Variants in TPM1 observed in about 807,000 individuals in gnomAD.
TPM1 encodes tropomyosin 1, also known as tropomyosin alpha-1 chain.
A neutral mutation model predicts 42.9 loss-of-function variants in TPM1; 24 were observed. The observed-to-expected ratio is 0.56, with a 90% CI of 0.41 to 0.79. The LOEUF (loss-of-function observed/expected upper bound fraction) is 0.79. Among genes scored for constraint, TPM1 ranks in the 30% least tolerant of loss-of-function variants. TPM1 has a pLI of 0.00. For synonymous variants in TPM1, 136 were observed against 130.1 expected (o/e 1.05, Z -0.31); for missense variants, 158 against 351.8 (o/e 0.45, Z 4.41).
chr15:63,056,939 C>T (rs1315889620), intron 2 of TPM1, 46 bp from the exon 3 acceptor site: 1 of 1,613,538 alleles, frequency 6.2e-7, no homozygotes, highest in Admixed American at 1.7e-5. Context: ...AAGCTACCAC[C>T]CTCACTTTCT....
chr15:63,061,413 C>A, intron 5 of TPM1: 1 of 871,270 alleles, frequency 1.1e-6, no homozygotes, highest in Non-Finnish European at 1.9e-6. Flanking sequence ...AAGTGCTTTC[C>A]CTTGGTCCTT....
intron 9 of TPM1, chr15:63,065,443 C>T: frequency 1.0e-6 from 1 of 985,330 alleles, no homozygotes; most frequent in African/African-American, 1.7e-5. Flanking sequence ...AGAATCCCCA[C>T]AGTCAACAAA....
chr15:63,065,718 A>T, intron 9 of TPM1, 178 bp from the exon 10 acceptor site: 6 of 937,258 alleles, frequency 6.4e-6, no homozygotes, highest in Non-Finnish European at 7.6e-6. Context: ...GCGGCCTGTG[A>T]CGGCCTCAGG....
At chr15:63,048,245 C>G (rs1301288819) in intron 2 of TPM1, 3 of 495,490 alleles carry the variant, frequency 6.1e-6, no homozygotes, top group Admixed American at 2.4e-5. Flanking sequence ...AGTGGCCTCC[C>G]GGAGCGCCCA....
chr15:63,071,611 T>G (rs1047479409), exon 9 of TPM1: 1 of 217,158 alleles, frequency 4.6e-6, no homozygotes, highest in Non-Finnish European at 9.3e-6. Flanking sequence ...CACTAATTTA[T>G]TTTGTCTTGA....
At chr15:63,066,919 T>C (rs1162336873), downstream of TPM1, among the ~76,000 whole-genome samples, 1 of 152,226 alleles carries the variant, frequency 6.6e-6, no homozygotes, top group Non-Finnish European at 1.5e-5. Context: ...AAAAAGATAG[T>C]TGGTGGAAAT....
intron 6 of TPM1, 80 bp downstream of exon 6, chr15:63,061,868 C>A: frequency 1.6e-6 from 2 of 1,253,122 alleles, no homozygotes; most frequent in South Asian, 1.2e-5. Flanking sequence ...GCAACACTTA[C>A]AGTAGACATT....
chr15:63,068,106 C>A (rs1262436448), downstream of TPM1, among the ~76,000 whole-genome samples: 1 of 152,208 alleles, frequency 6.6e-6, no homozygotes, highest in Non-Finnish European at 1.5e-5. Context: ...GGCGACACTT[C>A]CTATGTCCAT....
At chr15:63,048,928 C>G in intron 2 of TPM1, 1 of 649,290 alleles carries the variant, frequency 1.5e-6, no homozygotes, top group South Asian at 1.7e-5. Context: ...AAAGTAAACG[C>G]TCCCAGGGGA....
Position 63,065,996 on chromosome 15 carries a change from C to A in TPM1, c.*97C>A. On this transcript the variant is annotated 3_prime_UTR_variant, in exon 10 of 10. Transcript: ENST00000403994. ...GTCTATTCTCCAGCTGACCCTGGTTCTCTCTCTTAGCATCCTGCCTTAGAG... is the reference window on the plus strand; with the variant it reads ...GTCTATTCTCCAGCTGACCCTGGTTATCTCTCTTAGCATCCTGCCTTAGAG... 1 of 1,566,944 alleles carries A rather than the reference C, an allele frequency of 6.4e-7. No homozygotes were observed. The highest frequency in any genetic ancestry group is 2.3e-5 in the East Asian group (1 of 42,742).
intron 2 of TPM1, chr15:63,049,105 TC>T: frequency 4.2e-6 from 1 of 238,970 alleles, no homozygotes; most frequent in Non-Finnish European, 8.4e-6. Flanking sequence ...CTCTTGGAGA[TC>T]CGTACTTTGA....
At chr15:63,062,551 C>T in intron 7 of TPM1, 25 bp from the exon 8 acceptor site, 16 of 1,613,814 alleles carry the variant, frequency 9.9e-6, no homozygotes, top group Non-Finnish European at 1.4e-5. Context: ...AACTTCCCAA[C>T]TTTAACTCAA....
chr15:63,070,489 T>C (rs557704771), downstream of TPM1: 22 of 994,994 alleles, frequency 2.2e-5, no homozygotes, highest in South Asian at 4.0e-4. Flanking sequence ...CTCAGTCTAA[T>C]GGTGCTGTTG....
intron 2 of TPM1, chr15:63,047,041 C>G (rs1178554472): frequency 6.6e-6 from 1 of 152,326 alleles, no homozygotes; most frequent in Non-Finnish European, 1.5e-5. Context: ...CCAGCAGTTT[C>G]CTGGCTGCTC....
intron 2 of TPM1, chr15:63,055,656 A>G (rs1308867380): frequency 2.0e-5 from 3 of 152,212 alleles, no homozygotes; most frequent in Admixed American, 6.5e-5. Flanking sequence ...TCCTATTACC[A>G]TGGGTCCCTA....
chr15:63,048,150 A>G (rs1449941211), intron 2 of TPM1: 1 of 443,970 alleles, frequency 2.3e-6, no homozygotes, highest in Non-Finnish European at 4.5e-6. Context: ...AGGAGTCGCT[A>G]TTGCCCTTAG....
chr15:63,069,966 G>C, downstream of TPM1: 1 of 1,613,790 alleles, frequency 6.2e-7, no homozygotes, highest in Non-Finnish European at 8.5e-7. Context: ...AAAAACTTGG[G>C]CTGAATTCTA....
downstream of TPM1, among the ~76,000 whole-genome samples, chr15:63,066,894 CTT>C (rs34798274): frequency 2.1e-4 from 31 of 150,032 alleles, no homozygotes; most frequent in South Asian, 4.2e-4. Context: ...ATGAAAGTTT[CTT>C]TTTTTTTTTC....
At chr15:63,045,606 A>G (rs1469620891) in intron 2 of TPM1, 2 of 152,278 alleles carry the variant, frequency 1.3e-5, no homozygotes, top group African/African-American at 4.8e-5. Flanking sequence ...AAGAATGCAG[A>G]GAATTTGAAA....
Sources: gnomAD v4.1 joint callset for allele counts (sites outside exome capture counted in the v4.1 genomes callset) on GRCh38, gnomAD v4.1.1 for gene constraint, MANE v1.5 for transcripts, NCBI Gene and HGNC (gene_info 2026-07-23, HGNC 2026-07-21) for gene names.